BLVRB: variants seen among roughly 807,000 people sequenced by gnomAD.
BLVRB encodes the protein flavin reductase (NADPH).
BLVRB carries 25 observed loss-of-function variants against 21.1 expected under a neutral mutation model. That is an observed-to-expected ratio of 1.19 (90% CI 0.86 to 1.66). The LOEUF is 1.66. Among genes scored for constraint, BLVRB ranks in the 40% most tolerant of loss-of-function variants. BLVRB has a pLI of 0.00. For missense variants in BLVRB, 274 were observed against 282.7 expected (o/e 0.97, Z 0.22); for synonymous variants, 128 against 122.2 (o/e 1.05, Z -0.31).
chr19:40,461,710 C>T (rs1380808021), intron 1 of BLVRB, among the ~76,000 whole-genome samples: 1 of 152,152 alleles, frequency 6.6e-6, no homozygotes, highest in Non-Finnish European at 1.5e-5. Context: ...CGATGTTAGC[C>T]AGGCTGGTCT....
intron 3 of BLVRB, among the ~76,000 whole-genome samples, chr19:40,454,910 C>A (rs1040412668): frequency 1.3e-5 from 2 of 152,118 alleles, no homozygotes; most frequent in Non-Finnish European, 2.9e-5. Flanking sequence ...GGTGCCATCA[C>A]GGCTCACTGC....
chr19:40,457,157 A>G (rs2079765333), intron 3 of BLVRB, among the ~76,000 whole-genome samples: 1 of 145,054 alleles, frequency 6.9e-6, no homozygotes, highest in Non-Finnish European at 1.5e-5. Context: ...TGGGTGACAG[A>G]AAGTCTCAAA....
Position 40,458,372 on chromosome 19 carries a change from G to T in BLVRB, c.244+9C>A, listed in dbSNP as rs1455368581. ...GGGGAGGGCCGTGGGCAGAGGGGGG[G>T]CTCAGTACTGAGGTCATTGCGGGTG... On this transcript the variant is annotated intron_variant, in intron 2 of 4. Transcript: ENST00000263368. 2 of 1,570,804 alleles carry T rather than the reference G, an allele frequency of 1.3e-6. No individual in the cohort carries two copies. Among genetic ancestry groups the T allele is most frequent in the Non-Finnish European group, 1.7e-6 (2 of 1,158,204 alleles).
At chr19:40,462,992 G>A (rs915898128) in intron 1 of BLVRB, among the ~76,000 whole-genome samples, 41 of 149,490 alleles carry the variant, frequency 2.7e-4, no homozygotes, top group South Asian at 1.3e-3. Context: ...ATTAAAATGA[G>A]TTTCACAAAA....
At chr19:40,452,851 C>A (rs942103399) in intron 3 of BLVRB, among the ~76,000 whole-genome samples, 1 of 148,618 alleles carries the variant, frequency 6.7e-6, no homozygotes, top group African/African-American at 2.5e-5. Context: ...GGAGACAGAG[C>A]AAGACTCCAT....
At chr19:40,462,557 C>T (rs992495408) in intron 1 of BLVRB, among the ~76,000 whole-genome samples, 17 of 148,590 alleles carry the variant, frequency 1.1e-4, no homozygotes, top group African/African-American at 3.7e-4. Flanking sequence ...GGATTACAGG[C>T]GTGAGCCATG....
At chr19:40,451,870 C>A (rs1195119500) in intron 3 of BLVRB, among the ~76,000 whole-genome samples, 1 of 152,146 alleles carries the variant, frequency 6.6e-6, no homozygotes, top group African/African-American at 2.4e-5. Flanking sequence ...CAAAACCCTG[C>A]CATGGCTGAC....
intron 3 of BLVRB, among the ~76,000 whole-genome samples, chr19:40,452,662 C>A (rs545023427): frequency 6.6e-6 from 1 of 151,916 alleles, no homozygotes; most frequent in Non-Finnish European, 1.5e-5. Context: ...GTTAGGAGTT[C>A]GAGACCAGCC....
chr19:40,448,408 C>T (rs974081156), intron 4 of BLVRB, among the ~76,000 whole-genome samples: 6 of 151,446 alleles, frequency 4.0e-5, no homozygotes, highest in Non-Finnish European at 8.8e-5. Flanking sequence ...CTGGGCAACA[C>T]AGGGAGACCC....
At chr19:40,451,595 C>T (rs1223480224) in intron 3 of BLVRB, 103 bp from the exon 4 acceptor site, 4 of 1,386,782 alleles carry the variant, frequency 2.9e-6, no homozygotes, top group Admixed American at 3.0e-5. Context: ...TGCAGTGGCG[C>T]AATCTCGGCT....
chr19:40,451,134 G>A (rs1328914969), intron 4 of BLVRB, among the ~76,000 whole-genome samples: 1 of 152,196 alleles, frequency 6.6e-6, no homozygotes, highest in Non-Finnish European at 1.5e-5. Flanking sequence ...GGGGCTGCCA[G>A]CTCTCAGTGA....
chr19:40,462,472 G>C (rs1217885447), intron 1 of BLVRB, among the ~76,000 whole-genome samples: 2 of 151,102 alleles, frequency 1.3e-5, no homozygotes, highest in East Asian at 3.9e-4. Context: ...TAGAGATGGG[G>C]TTTCACGGTG....
chr19:40,460,512 T>C (rs966989514), intron 1 of BLVRB, among the ~76,000 whole-genome samples: 31 of 151,008 alleles, frequency 2.1e-4, no homozygotes, highest in Non-Finnish European at 3.8e-4. Flanking sequence ...CAACCTGTAG[T>C]CTCAGCTACT....
chr19:40,464,452 A>T (rs1295163500), intron 1 of BLVRB, among the ~76,000 whole-genome samples: 1 of 152,086 alleles, frequency 6.6e-6, no homozygotes, highest in African/African-American at 2.4e-5. Flanking sequence ...GATTTTTCAG[A>T]GCCACAGCTC....
chr19:40,449,955 T>C (rs1005560315), intron 4 of BLVRB, among the ~76,000 whole-genome samples: 2 of 151,958 alleles, frequency 1.3e-5, no homozygotes, highest in African/African-American at 2.4e-5. Flanking sequence ...ATCCCAGCAC[T>C]TTGGGAGGCC....
chr19:40,461,022 A>G (rs2079785220), intron 1 of BLVRB, among the ~76,000 whole-genome samples: 1 of 152,158 alleles, frequency 6.6e-6, no homozygotes, highest in Non-Finnish European at 1.5e-5. Flanking sequence ...CAATAAACAT[A>G]AAAAACCAAA....
intron 4 of BLVRB, 46 bp from the exon 5 acceptor site, chr19:40,448,092 C>T: frequency 6.3e-7 from 1 of 1,576,354 alleles, no homozygotes; most frequent in East Asian, 2.3e-5. Context: ...GACACCTTTC[C>T]CTTCCCCCAA....
At chr19:40,457,256 A>G (rs2145780310) in intron 3 of BLVRB, among the ~76,000 whole-genome samples, 1 of 152,104 alleles carries the variant, frequency 6.6e-6, no homozygotes, top group South Asian at 2.1e-4. Context: ...AAAGCCATAA[A>G]TGATTTTGCT....
intron 3 of BLVRB, chr19:40,457,836 CT>C (rs1440333766): frequency 5.5e-6 from 2 of 361,760 alleles, no homozygotes; most frequent in African/African-American, 2.1e-5. Flanking sequence ...CTCCTCTGGG[CT>C]CCCATAGTCC....
Sources: allele counts gnomAD v4.1 joint callset (sites outside exome capture counted in the v4.1 genomes callset), GRCh38; gene constraint gnomAD v4.1.1; transcripts MANE v1.5; gene names NCBI Gene and HGNC (gene_info 2026-07-23, HGNC 2026-07-21).